The following RCBTB2 variants were observed in gnomAD, a reference collection of about 807,000 sequenced individuals.
RCBTB2 encodes RCC1 and BTB domain-containing protein 2.
A neutral mutation model predicts 65.4 loss-of-function variants in RCBTB2; 55 were observed. The observed-to-expected ratio is 0.84, with a 90% CI of 0.68 to 1.05. The LOEUF is 1.05. Ranked by LOEUF, RCBTB2 falls within the 50% of genes least tolerant of loss-of-function variation. The pLI, the probability that RCBTB2 is intolerant of heterozygous loss-of-function variation, is 0.00. For missense variants in RCBTB2, 599 were observed against 680.1 expected (o/e 0.88, Z 1.33); for synonymous variants, 220 against 255.2 (o/e 0.86, Z 1.31).
chr13:48,511,172 CTA>C (rs1163794991), intron 9 of RCBTB2, among the ~76,000 whole-genome samples: 1 of 151,668 alleles, frequency 6.6e-6, no homozygotes, highest in African/African-American at 2.4e-5. Context: ...TTTTCTATTT[CTA>C]TATAGACATA....
upstream of RCBTB2, chr13:48,533,197 G>A (rs2138691111): frequency 2.9e-6 from 1 of 346,276 alleles, no homozygotes; most frequent in Admixed American, 3.7e-5. Context: ...CAGACAAGAG[G>A]AGGGGGCTGG....
intron 10 of RCBTB2, among the ~76,000 whole-genome samples, chr13:48,505,046 CTTTCT>C (rs1454472474): frequency 4.1e-5 from 6 of 144,966 alleles, no homozygotes; most frequent in African/African-American, 1.4e-4. Context: ...TTTTTTATTT[CTTTCT>C]TTTTTTTTTT....
chr13:48,501,982 C>T, intron 11 of RCBTB2, 114 bp from the exon 12 acceptor site: 1 of 725,410 alleles, frequency 1.4e-6, no homozygotes, highest in East Asian at 3.1e-5. Flanking sequence ...CTCAAAATAA[C>T]TGAGCAACTG....
At chr13:48,517,970 G>A (rs1951187491) in intron 4 of RCBTB2, among the ~76,000 whole-genome samples, 1 of 152,158 alleles carries the variant, frequency 6.6e-6, no homozygotes, top group African/African-American at 2.4e-5. Context: ...GATGCACAGG[G>A]AAGAAGGCCA....
intron 4 of RCBTB2, among the ~76,000 whole-genome samples, chr13:48,520,174 G>T (rs1951340071): frequency 6.6e-6 from 1 of 152,144 alleles, no homozygotes; most frequent in Non-Finnish European, 1.5e-5. Context: ...GTTCACAGAA[G>T]CAATATACAT....
chr13:48,526,012 T>C (rs1049238579), intron 1 of RCBTB2, among the ~76,000 whole-genome samples: 2 of 152,180 alleles, frequency 1.3e-5, no homozygotes, highest in African/African-American at 4.8e-5. Flanking sequence ...ACTCTGTCAA[T>C]GAATTGGTAT....
chr13:48,512,397 T>C (rs1156406524), intron 7 of RCBTB2, among the ~76,000 whole-genome samples: 1 of 152,218 alleles, frequency 6.6e-6, no homozygotes, highest in Non-Finnish European at 1.5e-5. Context: ...CAGTAATAAT[T>C]ACTATTAAAT....
At chr13:48,527,531 A>G (rs1194920872) in intron 1 of RCBTB2, among the ~76,000 whole-genome samples, 1 of 151,992 alleles carries the variant, frequency 6.6e-6, no homozygotes, top group African/African-American at 2.4e-5. Flanking sequence ...AAATGGAATG[A>G]TAAGTAACCT....
intron 1 of RCBTB2, among the ~76,000 whole-genome samples, chr13:48,526,504 C>T (rs1237753803): frequency 3.9e-5 from 6 of 151,962 alleles, no homozygotes; most frequent in African/African-American, 1.5e-4. Flanking sequence ...CCACTGCACT[C>T]AGCCCGGGTG....
intron 14 of RCBTB2, among the ~76,000 whole-genome samples, chr13:48,494,174 T>C (rs899768523): frequency 2.0e-5 from 3 of 152,208 alleles, no homozygotes; most frequent in Non-Finnish European, 4.4e-5. Context: ...GAGGAGTAAA[T>C]GAAACATGAA....
At chr13:48,522,249 A>C in intron 3 of RCBTB2, 59 bp downstream of exon 3, 8 of 1,095,068 alleles carry the variant, frequency 7.3e-6, no homozygotes, top group Non-Finnish European at 1.1e-5. Flanking sequence ...AAAGGAAATC[A>C]GTAGAAAATT....
rs1305608268 is a variant in RCBTB2 at position 48,533,050 on chromosome 13, T to G, written c.-241A>C. ...TACCTCCTCGCAGGCCGGAGCCTTG[T>G]CCGCTCCGCCTCCTGGGTAGCGGTT... On this transcript the variant is annotated 5_prime_UTR_variant, in exon 1 of 15. Coordinates refer to ENST00000344532, the MANE Select transcript of RCBTB2 (RefSeq NM_001268.4). The G allele has an allele frequency of 2.2e-6, 1 of 454,560 alleles. No homozygotes were observed. The highest frequency in any genetic ancestry group is 4.4e-6 in the Non-Finnish European group (1 of 226,182). 28.2% of individuals were successfully genotyped at this position (454,560 alleles called of 1,614,324 possible). A position where few individuals can be genotyped will look rare whatever the true frequency, so the allele number is the denominator to read the frequency against.
intron 1 of RCBTB2, among the ~76,000 whole-genome samples, chr13:48,531,457 G>A (rs188394597): frequency 6.6e-6 from 1 of 152,330 alleles, no homozygotes; most frequent in Non-Finnish European, 1.5e-5. Context: ...CATTTTAGGT[G>A]AGGTAGTCAC....
chr13:48,500,996 A>G (rs1172727949), intron 12 of RCBTB2, among the ~76,000 whole-genome samples: 2 of 152,166 alleles, frequency 1.3e-5, no homozygotes, highest in Non-Finnish European at 2.9e-5. Flanking sequence ...TGAATTTCAA[A>G]ATCATCATGT....
chr13:48,522,371 T>C lies in RCBTB2; in HGVS notation c.-87A>G. On this transcript the variant is annotated 5_prime_UTR_variant, in exon 3 of 15. Coordinates refer to ENST00000344532, the MANE Select transcript of RCBTB2 (RefSeq NM_001268.4). ...CACGGGGAAGAGCGGACATCAATTC[T>C]CAGCTCCACAGAAGAATATATGATT... 1 of 1,509,572 alleles carries C rather than the reference T, an allele frequency of 6.6e-7. No homozygotes were observed. The highest frequency in any genetic ancestry group is 8.9e-7 in the Non-Finnish European group (1 of 1,123,936). The allele number at this position is 1,509,572 out of a possible 1,614,324, so 93.5% of individuals were successfully genotyped here.
In RCBTB2 at chr13:48,489,462, A is replaced by G. The variant is rs1342096315; in HGVS notation, c.*649T>C. 1 of 152,272 alleles carries G rather than the reference A, an allele frequency of 6.6e-6. No homozygotes were observed. Among genetic ancestry groups the G allele is most frequent in the Admixed American group, 6.5e-5 (1 of 15,290 alleles). The allele number at this position is 152,272 out of a possible 1,614,324, so 9.4% of individuals were successfully genotyped here. A position where few individuals can be genotyped will look rare whatever the true frequency, so the allele number is the denominator to read the frequency against. On this transcript the variant is annotated 3_prime_UTR_variant, in exon 15 of 15. Transcript: ENST00000344532. ...ATGACTCCAAGTAAAAAGAAAATTA[A>G]AATTAGCCCTTGGGCCTTGACAATT...
rs772755191 is a variant in RCBTB2 at position 48,512,904 on chromosome 13, A to G, written c.350-9T>C. 121 of 1,599,916 alleles carry G rather than the reference A, an allele frequency of 7.6e-5. No homozygotes were observed. Among genetic ancestry groups the G allele is most frequent in the Non-Finnish European group, 1.0e-4 (117 of 1,171,838 alleles). The stretch of plus-strand genomic sequence containing the variant: ...GGTAAAGACTTCTCCTTCTGAAAAT[A>G]AAAAGAAAGACAATCAGTTTTTTAC... On this transcript the variant is annotated splice_polypyrimidine_tract_variant and intron_variant, in intron 6 of 14. Coordinates refer to ENST00000344532, the MANE Select transcript of RCBTB2 (RefSeq NM_001268.4).
chr13:48,499,917 T>A (rs1259215342), intron 12 of RCBTB2, among the ~76,000 whole-genome samples, 157 bp from the exon 13 acceptor site: 4 of 152,178 alleles, frequency 2.6e-5, no homozygotes, highest in Admixed American at 6.5e-5. Flanking sequence ...AATCATCTAT[T>A]CAGCAAGGCT....
intron 12 of RCBTB2, among the ~76,000 whole-genome samples, chr13:48,500,000 G>C (rs1301614919): frequency 2.0e-5 from 3 of 152,202 alleles, no homozygotes; most frequent in Admixed American, 2.0e-4. Flanking sequence ...GACAGAGCTG[G>C]GCTCCCTGGC....
Sources: allele counts gnomAD v4.1 joint callset (sites outside exome capture counted in the v4.1 genomes callset), GRCh38; gene constraint gnomAD v4.1.1; transcripts MANE v1.5; gene names NCBI Gene and HGNC (gene_info 2026-07-23, HGNC 2026-07-21).